The following ADAMTSL1 variants were observed in gnomAD, a reference collection of about 807,000 sequenced individuals.
ADAMTSL1 encodes ADAMTS like 1, also known as ADAMTS-like protein 1.
In ADAMTSL1, 126 loss-of-function variants were observed where a neutral mutation model predicts 201.8. The ratio of observed to expected loss-of-function variants is 0.62; its 90% CI spans 0.54 to 0.72. The LOEUF is 0.72. ADAMTSL1 is among the 30% of genes least tolerant of loss of function. The pLI, the probability that ADAMTSL1 is intolerant of heterozygous loss-of-function variation, is 0.00. For synonymous variants in ADAMTSL1, 1,121 were observed against 903.4 expected (o/e 1.24, Z -4.32); for missense variants, 2,679 against 2,277.8 (o/e 1.18, Z -3.59).
intron 2 of ADAMTSL1, among the ~76,000 whole-genome samples, chr9:18,330,890 A>C (rs1189245112): frequency 1.3e-5 from 2 of 152,238 alleles, no homozygotes; most frequent in African/African-American, 4.8e-5. Flanking sequence ...CATGCCAGGG[A>C]CTGTCCCAGA....
chr9:18,316,315 C>A (rs1281616558), intron 2 of ADAMTSL1, among the ~76,000 whole-genome samples: 2 of 151,998 alleles, frequency 1.3e-5, no homozygotes, highest in Non-Finnish European at 2.9e-5. Context: ...ACTGGTCTGA[C>A]CAAAATTATT....
intron 2 of ADAMTSL1, among the ~76,000 whole-genome samples, chr9:18,302,294 C>G (rs1447575996): frequency 6.6e-6 from 1 of 152,116 alleles, no homozygotes; most frequent in Non-Finnish European, 1.5e-5. Context: ...GATACATTTC[C>G]TAGAGGATAC....
chr9:18,013,556 A>C (rs1237243291), intron 1 of ADAMTSL1, among the ~76,000 whole-genome samples: 3 of 152,072 alleles, frequency 2.0e-5, no homozygotes, highest in Non-Finnish European at 4.4e-5. Flanking sequence ...GCAACCAAAA[A>C]ACACGGATTC....
At chr9:18,700,805 A>G (rs1439698381) in intron 13 of ADAMTSL1, among the ~76,000 whole-genome samples, 3 of 152,288 alleles carry the variant, frequency 2.0e-5, no homozygotes, top group African/African-American at 7.2e-5. Flanking sequence ...CTCTGTGGCC[A>G]CTTGTTAATG....
In ADAMTSL1 at chr9:17,983,183, GC is replaced by G. The variant is rs1214687294; in HGVS notation, c.87+76263del. Among the ~76,000 whole-genome samples the G allele has an allele frequency of 2.0e-5, 3 of 150,454 alleles. No individual in the cohort carries two copies. The Admixed American group carries it at 2.0e-4, about 10-fold the overall frequency. ...CCTCCTGGGTTCAAGCGATTCTCCTGCCTCAGCCTCCCGAGCAGCTGGGACT... is the reference window on the plus strand; with the variant it reads ...CCTCCTGGGTTCAAGCGATTCTCCTGCTCAGCCTCCCGAGCAGCTGGGACT... On this transcript the variant is annotated intron_variant, in intron 1 of 29. Transcript: ENST00000680146.
intron 7 of ADAMTSL1, among the ~76,000 whole-genome samples, chr9:18,645,722 G>T (rs1186758588): frequency 1.4e-5 from 2 of 147,588 alleles, no homozygotes; most frequent in East Asian, 3.9e-4. Flanking sequence ...TATTTCTGAG[G>T]GCTCTGTTCT....
chr9:18,196,388 G>C (rs1829181764), intron 2 of ADAMTSL1, among the ~76,000 whole-genome samples: 1 of 151,998 alleles, frequency 6.6e-6, no homozygotes, highest in South Asian at 2.1e-4. Flanking sequence ...GGAAAACTTA[G>C]CTCAGAGATC....
At position 18,354,977 on chromosome 9, in the gene ADAMTSL1, TAAACAAAC is replaced by T. The variant is rs147464985; in HGVS notation, c.208-149834_208-149827del. Among the ~76,000 whole-genome samples the T allele has an allele frequency of 2.0e-3, 302 of 151,942 alleles. 3 individuals are homozygous for T. Among genetic ancestry groups the T allele is most frequent in the African/African-American group, 6.8e-3 (283 of 41,408 alleles). ...CAAAGCAAGACTCCATCTCTATAAA[TAAACAAAC>T]AAACAAACAAACAAACAGACTAAGA... On this transcript the variant is annotated intron_variant, in intron 2 of 29. Coordinates refer to the ADAMTSL1 transcript ENST00000680146.
At chr9:18,794,238 A>G (rs1822228539) in intron 19 of ADAMTSL1, among the ~76,000 whole-genome samples, 1 of 151,948 alleles carries the variant, frequency 6.6e-6, no homozygotes, top group South Asian at 2.1e-4. Context: ...GCAAGACCCT[A>G]TCTTTACGCA....
chr9:18,432,084 T>A (rs1808655171), intron 2 of ADAMTSL1, among the ~76,000 whole-genome samples: 1 of 152,224 alleles, frequency 6.6e-6, no homozygotes, highest in Non-Finnish European at 1.5e-5. Context: ...TATATCTCTT[T>A]AAAGAGGCCA....
At chr9:18,724,775 G>T (rs959269708) in intron 15 of ADAMTSL1, among the ~76,000 whole-genome samples, 1 of 152,134 alleles carries the variant, frequency 6.6e-6, no homozygotes, top group African/African-American at 2.4e-5. Context: ...ATGACAGCTG[G>T]GAAGACCTCA....
At chr9:18,828,660 T>TATATATATA (rs1554643932) in intron 22 of ADAMTSL1, among the ~76,000 whole-genome samples, 37 of 28,506 alleles carry the variant, frequency 1.3e-3, no homozygotes, top group Non-Finnish European at 2.4e-3. Flanking sequence ...GAAAGTATAT[T>TATATATATA]TATATATATA....
intron 1 of ADAMTSL1, among the ~76,000 whole-genome samples, chr9:18,045,356 T>C (rs1289390489): frequency 6.6e-6 from 1 of 152,142 alleles, no homozygotes; most frequent in African/African-American, 2.4e-5. Context: ...GGAGTTGGCA[T>C]GAGTGAGTGG....
chr9:17,984,630 G>T (rs1818849660), intron 1 of ADAMTSL1, among the ~76,000 whole-genome samples: 1 of 152,068 alleles, frequency 6.6e-6, no homozygotes, highest in Non-Finnish European at 1.5e-5. Context: ...CTTTCTAGAA[G>T]TGGAAACTCC....
intron 2 of ADAMTSL1, among the ~76,000 whole-genome samples, chr9:18,434,397 C>T (rs921290330): frequency 1.3e-5 from 2 of 152,110 alleles, no homozygotes; most frequent in Non-Finnish European, 2.9e-5. Flanking sequence ...TTTATGGAAA[C>T]CTACAGTACG....
intron 1 of ADAMTSL1, among the ~76,000 whole-genome samples, chr9:17,996,517 A>C (rs1819388798): frequency 6.6e-6 from 1 of 152,114 alleles, no homozygotes; most frequent in Non-Finnish European, 1.5e-5. Context: ...GCAAGGCAGA[A>C]TTAATTCTTG....
chr9:18,285,695 T>C (rs1212574020), intron 2 of ADAMTSL1, among the ~76,000 whole-genome samples: 1 of 152,146 alleles, frequency 6.6e-6, no homozygotes, highest in Non-Finnish European at 1.5e-5. Flanking sequence ...TTTATAATCA[T>C]TTTGAATGGT....
intron 1 of ADAMTSL1, among the ~76,000 whole-genome samples, chr9:17,995,003 T>C (rs904995308): frequency 6.6e-6 from 1 of 152,156 alleles, no homozygotes; most frequent in Non-Finnish European, 1.5e-5. Context: ...TTTATGTTTA[T>C]TTCATTTTCT....
At chr9:18,014,207 C>T (rs563950221) in intron 1 of ADAMTSL1, among the ~76,000 whole-genome samples, 1 of 152,102 alleles carries the variant, frequency 6.6e-6, no homozygotes, top group African/African-American at 2.4e-5. Context: ...CCATACACTT[C>T]CAGGATGCTA....
Sources: allele counts gnomAD v4.1 joint callset (sites outside exome capture counted in the v4.1 genomes callset), GRCh38; gene constraint gnomAD v4.1.1; transcripts MANE v1.5; gene names NCBI Gene and HGNC (gene_info 2026-07-23, HGNC 2026-07-21).